The following SLC4A1AP variants were observed in gnomAD, a reference collection of about 807,000 sequenced individuals.
SLC4A1AP encodes the protein solute carrier family 4 member 1 adaptor protein, also known as kanadaptin.
SLC4A1AP carries 64 observed loss-of-function variants against 89.7 expected under a neutral mutation model. The ratio of observed to expected loss-of-function variants is 0.71; its 90% CI spans 0.58 to 0.88. SLC4A1AP has a LOEUF of 0.88. Among genes scored for constraint, SLC4A1AP ranks in the 40% least tolerant of loss-of-function variants. The probability of loss-of-function intolerance (pLI) is 0.00; values close to 1 mark genes in which losing one functional copy is unlikely to be tolerated. For synonymous variants in SLC4A1AP, 366 were observed against 353.3 expected (o/e 1.04, Z -0.40); for missense variants, 931 against 965.0 (o/e 0.96, Z 0.47).
rs369868272 is a variant in SLC4A1AP at position 27,677,402 on chromosome 2, A to G, written c.1576+38A>G. On this transcript the variant is annotated intron_variant, in intron 7 of 13. Coordinates refer to ENST00000613058, the Ensembl canonical transcript of SLC4A1AP. ...TCAAATATTTATTAATATACCACAT[A>G]TAGTGCTCTATGCTAGGCACTGGGG... The G allele has an allele frequency of 9.1e-4, 1,244 of 1,368,364 alleles. 5 individuals carry two copies. Among genetic ancestry groups the G allele is most frequent in the Non-Finnish European group, 1.1e-3 (1,071 of 957,578 alleles). 84.8% of individuals were successfully genotyped at this position (1,368,364 alleles called of 1,614,324 possible).
At chr2:27,694,669 A>C (rs780750562) in exon 14 of SLC4A1AP, 2 of 1,582,552 alleles carry the variant, frequency 1.3e-6, no homozygotes, top group Non-Finnish European at 1.7e-6. Flanking sequence ...TCTTAATGAC[A>C]AGTATGGCTA....
At chr2:27,688,833 G>C in intron 12 of SLC4A1AP, 66 bp downstream of exon 12, 2 of 1,198,752 alleles carry the variant, frequency 1.7e-6, no homozygotes, top group Non-Finnish European at 2.4e-6. Flanking sequence ...CCAGAAAAGT[G>C]AATCTTTGGA....
At chr2:27,665,754 T>C (rs1675308460) in intron 2 of SLC4A1AP, among the ~76,000 whole-genome samples, 1 of 152,200 alleles carries the variant, frequency 6.6e-6, no homozygotes, top group Admixed American at 6.5e-5. Flanking sequence ...GCTGGTCCCT[T>C]AGCCAAAATA....
At chr2:27,682,916 A>G (rs1243186281) in intron 9 of SLC4A1AP, among the ~76,000 whole-genome samples, 1 of 152,232 alleles carries the variant, frequency 6.6e-6, no homozygotes, top group Non-Finnish European at 1.5e-5. Flanking sequence ...GTAAATTAGA[A>G]TCATAGTTTA....
At chr2:27,678,772 G>A (rs1675565461) in intron 8 of SLC4A1AP, among the ~76,000 whole-genome samples, 1 of 148,926 alleles carries the variant, frequency 6.7e-6, no homozygotes, top group South Asian at 2.1e-4. Context: ...AGGCTGGAGT[G>A]CAGTGGCACA....
At chr2:27,671,337 A>G (rs1675425485) in intron 5 of SLC4A1AP, among the ~76,000 whole-genome samples, 1 of 152,222 alleles carries the variant, frequency 6.6e-6, no homozygotes, top group Non-Finnish European at 1.5e-5. Context: ...GATTATGCTT[A>G]TGCAAATATT....
At chr2:27,675,940 T>C (rs1219852218) in intron 6 of SLC4A1AP, among the ~76,000 whole-genome samples, 2 of 152,208 alleles carry the variant, frequency 1.3e-5, no homozygotes, top group Non-Finnish European at 2.9e-5. Flanking sequence ...ATTAACATTC[T>C]TTGGATATGA....
At chr2:27,667,133 T>C (rs935982807) in intron 2 of SLC4A1AP, 135 bp from the exon 3 acceptor site, 9 of 875,066 alleles carry the variant, frequency 1.0e-5, no homozygotes, top group Middle Eastern at 3.8e-4. Flanking sequence ...CCTCCCAAAG[T>C]GCTGGGATTA....
intron 9 of SLC4A1AP, among the ~76,000 whole-genome samples, chr2:27,683,978 C>T (rs1341097299): frequency 1.3e-5 from 2 of 151,972 alleles, no homozygotes; most frequent in African/African-American, 4.8e-5. Context: ...CCTCATGATT[C>T]ACCTGCCTCG....
intron 8 of SLC4A1AP, 22 bp downstream of exon 8, chr2:27,677,946 A>T: frequency 6.7e-7 from 1 of 1,481,976 alleles, no homozygotes; most frequent in Non-Finnish European, 9.2e-7. Flanking sequence ...TTATATTTGG[A>T]ATTCTAAATA....
rs557076003 is a variant in SLC4A1AP, at chr2:27,664,648, A to G, written c.825+71A>G. On this transcript the variant is annotated intron_variant, in intron 1 of 13. Coordinates refer to ENST00000613058, the Ensembl canonical transcript of SLC4A1AP. ...CGTTCTTGTGCTTCTTAAGCTTTGGATGAGGAAGAAGAATCTCCCACTCAG... is the reference window on the plus strand; with the variant it reads ...CGTTCTTGTGCTTCTTAAGCTTTGGGTGAGGAAGAAGAATCTCCCACTCAG... 4.1e-6 allele frequency: 5 copies of G among 1,214,048 alleles called. No individual in the cohort carries two copies. The Admixed American group carries it at 1.1e-4, about 27-fold the overall frequency. The allele number at this position is 1,214,048 out of a possible 1,614,324, so 75.2% of individuals were successfully genotyped here.
exon 9 of SLC4A1AP, chr2:27,682,301 C>G: frequency 6.2e-7 from 1 of 1,613,846 alleles, no homozygotes; most frequent in Non-Finnish European, 8.5e-7. Context: ...CTTACATTGC[C>G]TCTATTTGGT....
Position 27,664,546 on chromosome 2 carries a change from T to C in SLC4A1AP, c.794T>C (p.Phe265Ser), listed in dbSNP as rs1388124088. The C allele has an allele frequency of 3.7e-6, 6 of 1,613,016 alleles. No individual in the cohort carries two copies. The East Asian group carries it at 1.3e-4, about 36-fold the overall frequency. The change falls in exon 1 of 14, where the codon TTT (phenylalanine) becomes TCT (serine). Residue 265 changes from phenylalanine to serine, a missense_variant. Coordinates refer to ENST00000613058, the Ensembl canonical transcript of SLC4A1AP. ...GTCCACGTTGGGCATGTTGTTCGCTTTGGAGGCAGCACCCGGCTCTTTATC... is the reference window on the plus strand; with the variant it reads ...GTCCACGTTGGGCATGTTGTTCGCTCTGGAGGCAGCACCCGGCTCTTTATC...
rs773780607 is a variant in SLC4A1AP, at chr2:27,685,285, C to T, written c.2116+8C>T. 1 of 1,599,920 alleles carries T rather than the reference C, an allele frequency of 6.3e-7. No individual in the cohort carries two copies. On this transcript the variant is annotated splice_region_variant and intron_variant, in intron 10 of 13. Transcript: ENST00000613058. ...AAGAAACCCAAACCCATGGTAATAT[C>T]TTTCTTCTCCTTCCTGTGTTGTTCA...
At chr2:27,665,294 G>A in exon 2 of SLC4A1AP, 1 of 1,585,778 alleles carries the variant, frequency 6.3e-7, no homozygotes, top group Non-Finnish European at 8.6e-7. Context: ...CCTGGGGAAT[G>A]GGTAAGAAAT....
chr2:27,665,587 TTTA>T (rs1675303679), intron 2 of SLC4A1AP, among the ~76,000 whole-genome samples: 1 of 152,220 alleles, frequency 6.6e-6, no homozygotes, highest in African/African-American at 2.4e-5. Flanking sequence ...AAATTTTATA[TTTA>T]TTAAGTACTG....
At chr2:27,671,110 A>G (rs967957821) in intron 5 of SLC4A1AP, among the ~76,000 whole-genome samples, 2 of 151,614 alleles carry the variant, frequency 1.3e-5, no homozygotes, top group Non-Finnish European at 2.9e-5. Flanking sequence ...TTTAGTAGAG[A>G]CAGGGTTTTA....
At chr2:27,664,203 G>A in exon 1 of SLC4A1AP, 1 of 1,614,102 alleles carries the variant, frequency 6.2e-7, no homozygotes, top group Non-Finnish European at 8.5e-7. Context: ...TCCAGCCCGG[G>A]CTCCCCCCTA....
At chr2:27,667,210 A>G (rs1001737556) in intron 2 of SLC4A1AP, 58 bp from the exon 3 acceptor site, 5 of 1,552,150 alleles carry the variant, frequency 3.2e-6, no homozygotes, top group African/African-American at 2.8e-5. Flanking sequence ...AGTGGGTATC[A>G]TTCAAATAGT....
Sources: gnomAD v4.1 joint callset for allele counts (sites outside exome capture counted in the v4.1 genomes callset) on GRCh38, gnomAD v4.1.1 for gene constraint, MANE v1.5 for transcripts, NCBI Gene and HGNC (gene_info 2026-07-23, HGNC 2026-07-21) for gene names.